Variants in TARBP1 observed in about 807,000 individuals in gnomAD.
TARBP1 encodes tRNA guanosine 2 -O-methyltransferase TARBP1.
A neutral mutation model predicts 178.6 loss-of-function variants in TARBP1; 144 were observed. The observed-to-expected ratio is 0.81, with a 90% CI of 0.70 to 0.93. TARBP1 has a LOEUF of 0.93. Ranked by LOEUF, TARBP1 falls within the 40% of genes least tolerant of loss-of-function variation. TARBP1 has a pLI of 0.00. For missense variants in TARBP1, 2,067 were observed against 2,011.7 expected (o/e 1.03, Z -0.53); for synonymous variants, 787 against 781.0 (o/e 1.01, Z -0.13).
In TARBP1 at chr1:234,406,056, C is replaced by T. The variant is rs1661207807; in HGVS notation, c.3836G>A (p.Cys1279Tyr). 1 of 1,614,152 alleles carries T rather than the reference C, an allele frequency of 6.2e-7. No homozygotes were observed. Among genetic ancestry groups the T allele is most frequent in the Non-Finnish European group, 8.5e-7 (1 of 1,180,032 alleles). Residue 1279 changes from cysteine (C) to tyrosine (Y), a missense_variant, in exon 24 of 30, where the codon TGT becomes TAT. Transcript: ENST00000040877. ...KQALIVVLQW[C>Y]FNHNFSVRLY... ...TCGAACACTAAAATTGTGATTGAAACACCACTGCAGCACAACTATAAGGGC... is the reference window on the plus strand; with the variant it reads ...TCGAACACTAAAATTGTGATTGAAATACCACTGCAGCACAACTATAAGGGC...
intron 22 of TARBP1, among the ~76,000 whole-genome samples, chr1:234,410,751 G>A (rs114403920): frequency 9.8e-5 from 15 of 152,310 alleles, no homozygotes; most frequent in African/African-American, 3.4e-4. Context: ...ACAAAAATCA[G>A]CAGGTCACAT....
Position 234,478,439 on chromosome 1 carries a change from C to A in TARBP1, c.665G>T (p.Gly222Val). ...CAGCTTCTCCTCTACGCGGCCGGACCCCAGGGACGCCCCAGGCGCGGCCAG... is the reference window on the plus strand; with the variant it reads ...CAGCTTCTCCTCTACGCGGCCGGACACCAGGGACGCCCCAGGCGCGGCCAG... The part of the protein sequence containing the change: ...GGLAAPGASL[G>V]SGRVEEKLLV... The change falls in exon 1 of 30, where the codon GGG (glycine) becomes GTG (valine). Residue 222 changes from glycine to valine, a missense_variant. Physicochemically the swap from Gly to Val is moderately radical, Grantham distance 109. Coordinates refer to ENST00000040877, the MANE Select transcript of TARBP1 (RefSeq NM_005646.4). 7.2e-7 allele frequency: 1 copy of A among 1,389,432 alleles called. No individual in the cohort carries two copies. The highest frequency in any genetic ancestry group is 9.4e-7 in the Non-Finnish European group (1 of 1,067,712). 86.1% of individuals were successfully genotyped at this position (1,389,432 alleles called of 1,614,324 possible).
At chr1:234,434,831 C>T (rs953609788) in intron 13 of TARBP1, among the ~76,000 whole-genome samples, 1 of 151,988 alleles carries the variant, frequency 6.6e-6, no homozygotes, top group African/African-American at 2.4e-5. Context: ...AGAGAATGGA[C>T]ATTCAAAGAA....
intron 1 of TARBP1, among the ~76,000 whole-genome samples, chr1:234,474,077 AC>A (rs1669329523): frequency 6.6e-6 from 1 of 152,084 alleles, no homozygotes; most frequent in Non-Finnish European, 1.5e-5. Flanking sequence ...CCCTGTCTCT[AC>A]AAGGAAATTT....
chr1:234,422,982 A>T (rs1444807122), intron 20 of TARBP1, among the ~76,000 whole-genome samples: 2 of 152,210 alleles, frequency 1.3e-5, no homozygotes, highest in African/African-American at 4.8e-5. Flanking sequence ...ACAAGGGCTC[A>T]TTAAAACAGA....
At chr1:234,412,899 G>C (rs1558166344) in intron 22 of TARBP1, among the ~76,000 whole-genome samples, 1 of 152,244 alleles carries the variant, frequency 6.6e-6, no homozygotes, top group South Asian at 2.1e-4. Flanking sequence ...CAGCAGGGAT[G>C]GTCATGTGAT....
intron 5 of TARBP1, among the ~76,000 whole-genome samples, chr1:234,464,773 A>C (rs558092559): frequency 6.6e-6 from 1 of 152,354 alleles, no homozygotes; most frequent in East Asian, 1.9e-4. Flanking sequence ...ACAACTATAA[A>C]TTTAGTTAAT....
In TARBP1 at chr1:234,461,837, TC is replaced by T. The variant is rs1484075610; in HGVS notation, c.1400-1442del. 2.0e-5 allele frequency among the ~76,000 whole-genome samples: 3 copies of T among 152,234 alleles called. No individual in the cohort carries two copies. In the East Asian group the frequency reaches 5.8e-4, roughly 29 times the overall value. ...CTGTCCTCTCTGCTAATCTGTGATT[TC>T]TTAAGGACCCTCATCTCATGTAGTT... On this transcript the variant is annotated intron_variant, in intron 6 of 29. Transcript: ENST00000040877.
chr1:234,433,042 A>T (rs145759596), intron 14 of TARBP1, among the ~76,000 whole-genome samples: 65 of 152,312 alleles, frequency 4.3e-4, no homozygotes, highest in African/African-American at 1.5e-3. Context: ...GTTCGAGACT[A>T]GCCTGGTTAA....
chr1:234,417,256 C>G (rs1165161068), intron 22 of TARBP1, among the ~76,000 whole-genome samples: 3 of 152,028 alleles, frequency 2.0e-5, no homozygotes, highest in Admixed American at 2.0e-4. Context: ...TGGATGATAG[C>G]TGGGTGGAGG....
intron 21 of TARBP1, among the ~76,000 whole-genome samples, chr1:234,420,050 A>G (rs1256407113): frequency 6.6e-6 from 1 of 152,232 alleles, no homozygotes; most frequent in East Asian, 1.9e-4. Flanking sequence ...TAAAAATTGC[A>G]TGAGTTATAT....
At chr1:234,416,016 G>T (rs558732545) in intron 22 of TARBP1, among the ~76,000 whole-genome samples, 80 of 152,278 alleles carry the variant, frequency 5.3e-4, no homozygotes, top group Middle Eastern at 3.4e-3. Context: ...GATTCGAAGA[G>T]AATATACAAG....
At chr1:234,397,088 G>A (rs1347378613) in intron 26 of TARBP1, among the ~76,000 whole-genome samples, 6 of 148,596 alleles carry the variant, frequency 4.0e-5, no homozygotes, top group Non-Finnish European at 5.9e-5. Flanking sequence ...TCAGAATGAG[G>A]CTAAAATGTG....
intron 1 of TARBP1, among the ~76,000 whole-genome samples, chr1:234,473,151 A>T (rs1254496739): frequency 1.3e-5 from 2 of 152,246 alleles, no homozygotes; most frequent in Non-Finnish European, 2.9e-5. Flanking sequence ...GCAATAAAAT[A>T]CAGAATCTGA....
intron 22 of TARBP1, among the ~76,000 whole-genome samples, chr1:234,415,010 A>T (rs915641669): frequency 1.2e-4 from 14 of 115,608 alleles, no homozygotes; most frequent in African/African-American, 2.5e-4. Flanking sequence ...TTAGTAAATT[A>T]AAAAAAAACT....
In TARBP1 at chr1:234,467,501, C is replaced by A; in HGVS notation, c.1248+1G>T. The stretch of plus-strand genomic sequence containing the variant: ...CAAGGAAGGGGACAGGGTGTCATTA[C>A]CTCAGAAAATTCTGGTGAAAATGGA... On this transcript the variant is annotated splice_donor_variant, in intron 4 of 29. Coordinates refer to ENST00000040877, the MANE Select transcript of TARBP1 (RefSeq NM_005646.4). LOFTEE classifies it high-confidence loss of function. 1 of 1,584,206 alleles carries A rather than the reference C, an allele frequency of 6.3e-7. No individual in the cohort carries two copies. The highest frequency in any genetic ancestry group is 2.3e-5 in the East Asian group (1 of 43,014).
chr1:234,451,100 G>C (rs540060272), intron 9 of TARBP1, among the ~76,000 whole-genome samples: 1 of 152,248 alleles, frequency 6.6e-6, no homozygotes, highest in East Asian at 1.9e-4. Context: ...TATCATACGT[G>C]CATATTAAAA....
chr1:234,468,286 C>T (rs1204720051), intron 3 of TARBP1, among the ~76,000 whole-genome samples: 1 of 151,974 alleles, frequency 6.6e-6, no homozygotes, highest in Non-Finnish European at 1.5e-5. Flanking sequence ...AACTCCATCT[C>T]TACTAAAAAA....
chr1:234,393,737 G>A lies in TARBP1; in HGVS notation c.4344C>T (p.Leu1448=), dbSNP rs776759050. The stretch of plus-strand genomic sequence containing the variant: ...GTCTGGCAGCACGATCCTGAAACAG[G>A]AGCTCCAGGTCTAAGTCGGAAACAC... ...NSRVSDLDLE[L]LFQDRAARLG... is the part of the protein sequence containing the mutation. Residue 1448 remains leucine, a synonymous_variant, in exon 27 of 30, where the codon CTC becomes CTT. Coordinates refer to ENST00000040877, the MANE Select transcript of TARBP1 (RefSeq NM_005646.4). 8 of 1,613,908 alleles carry A rather than the reference G, an allele frequency of 5.0e-6. No individual in the cohort carries two copies. The highest frequency in any genetic ancestry group is 6.8e-6 in the Non-Finnish European group (8 of 1,180,026).
Sources: gnomAD v4.1 joint callset for allele counts (sites outside exome capture counted in the v4.1 genomes callset) on GRCh38, gnomAD v4.1.1 for gene constraint, MANE v1.5 for transcripts, NCBI Gene and HGNC (gene_info 2026-07-23, HGNC 2026-07-21) for gene names.